Variants in COL9A1 observed in about 807,000 individuals in gnomAD.
COL9A1 encodes the protein collagen alpha-1(IX) chain.
In COL9A1, 104 loss-of-function variants were observed where a neutral mutation model predicts 142.6. The observed-to-expected ratio is 0.73, with a 90% CI of 0.62 to 0.86. The LOEUF is 0.86. Among genes scored for constraint, COL9A1 ranks in the 40% least tolerant of loss-of-function variants. COL9A1 has a pLI of 0.00. For missense variants in COL9A1, 1,210 were observed against 1,176.6 expected (o/e 1.03, Z -0.42); for synonymous variants, 466 against 396.0 (o/e 1.18, Z -2.10).
chr6:70,290,110 T>C (rs1773601858), intron 5 of COL9A1, among the ~76,000 whole-genome samples: 1 of 152,150 alleles, frequency 6.6e-6, no homozygotes, highest in Non-Finnish European at 1.5e-5. Flanking sequence ...GAAGGATGGT[T>C]TGAATCATAT....
chr6:70,285,038 G>A (rs144946845), intron 5 of COL9A1, among the ~76,000 whole-genome samples: 1,548 of 152,322 alleles, frequency 0.01, 10 homozygotes, highest in Non-Finnish European at 0.017. Flanking sequence ...TTAACAAAAG[G>A]AAGTTTTGGC....
intron 5 of COL9A1, among the ~76,000 whole-genome samples, chr6:70,291,393 G>C (rs941788329): frequency 1.3e-5 from 2 of 151,962 alleles, no homozygotes; most frequent in Non-Finnish European, 2.9e-5. Context: ...AACATCCCTG[G>C]CCCCCACTCT....
intron 28 of COL9A1, among the ~76,000 whole-genome samples, chr6:70,248,723 G>A (rs566820934): frequency 2.6e-5 from 4 of 152,222 alleles, no homozygotes; most frequent in South Asian, 2.1e-4. Context: ...TTACGCCTCC[G>A]ATTCAATTCG....
intron 37 of COL9A1, among the ~76,000 whole-genome samples, chr6:70,223,510 A>G (rs1562285503): frequency 1.3e-5 from 2 of 152,210 alleles, no homozygotes; most frequent in African/African-American, 4.8e-5. Flanking sequence ...CACTCTTCAA[A>G]CAGCCCACTT....
chr6:70,256,774 A>C lies in COL9A1; in HGVS notation c.1497T>G (p.Gly499=). 1.4e-5 allele frequency: 22 copies of C among 1,613,662 alleles called. No individual in the cohort carries two copies. Among genetic ancestry groups the C allele is most frequent in the Non-Finnish European group, 1.9e-5 (22 of 1,179,914 alleles). Residue 499 remains glycine (G), a synonymous_variant, in exon 21 of 38, where the codon GGT becomes GGG. Coordinates refer to ENST00000357250, the MANE Select transcript of COL9A1 (RefSeq NM_001851.6). ...DGEPGPQGLP[G]APGDQGQRGP... The stretch of plus-strand genomic sequence containing the variant: ...TGGAAGGAAAATCACTTACAGGTGC[A>C]CCAGGAAGACCCTGAGGCCCAGGTT...
At chr6:70,274,211 T>C (rs1772597288) in intron 11 of COL9A1, 129 bp from the exon 12 acceptor site, 1 of 611,292 alleles carries the variant, frequency 1.6e-6, no homozygotes, top group Non-Finnish European at 2.7e-6. Flanking sequence ...TTTCCAACTT[T>C]TATTTTAAGT....
intron 37 of COL9A1, among the ~76,000 whole-genome samples, chr6:70,225,267 AG>A (rs748550030): frequency 3.9e-5 from 6 of 152,106 alleles, no homozygotes; most frequent in African/African-American, 7.2e-5. Flanking sequence ...TCATTTCCTA[AG>A]GGATAAGTGT....
chr6:70,276,737 A>C (rs575194756), intron 10 of COL9A1, among the ~76,000 whole-genome samples: 11 of 152,302 alleles, frequency 7.2e-5, no homozygotes, highest in Admixed American at 5.2e-4. Flanking sequence ...TACTGCCTAC[A>C]ATAAGTTTAA....
At chr6:70,283,097 G>T in intron 6 of COL9A1, 179 bp from the exon 7 acceptor site, 1 of 1,537,162 alleles carries the variant, frequency 6.5e-7, no homozygotes, top group Non-Finnish European at 8.7e-7. Context: ...CTGCAGCCTG[G>T]TTCCCCTCTA....
intron 9 of COL9A1, 30 bp downstream of exon 9, chr6:70,280,974 G>C: frequency 6.2e-7 from 1 of 1,613,272 alleles, no homozygotes; most frequent in South Asian, 1.1e-5. Context: ...AAGGAAGGAA[G>C]TGGAGCGCCA....
chr6:70,239,575 T>A (rs1263961693), intron 32 of COL9A1, among the ~76,000 whole-genome samples: 1 of 152,180 alleles, frequency 6.6e-6, no homozygotes, highest in East Asian at 1.9e-4. Flanking sequence ...AAATGCTAGG[T>A]GTCAAGAATT....
chr6:70,233,400 T>C (rs866957498), intron 35 of COL9A1, among the ~76,000 whole-genome samples: 1 of 152,216 alleles, frequency 6.6e-6, no homozygotes, highest in African/African-American at 2.4e-5. Context: ...AGAGTTAGTC[T>C]TAAAAATTAA....
Position 70,252,105 on chromosome 6 carries a change from G to A in COL9A1, c.1872+15C>T, listed in dbSNP as rs2127574422. 6.2e-7 allele frequency: 1 copy of A among 1,613,494 alleles called. No homozygotes were observed. Among genetic ancestry groups the A allele is most frequent in the Non-Finnish European group, 8.5e-7 (1 of 1,179,466 alleles). ...TGAGAAGGTGCTTTAGGAAAGAACA[G>A]CAAGGAATACTCACAGGAAGCCCCT... is the stretch of plus-strand genomic sequence containing the variant. On this transcript the variant is annotated intron_variant, in intron 28 of 37. Transcript: ENST00000357250.
rs773873745 is a variant in COL9A1, at chr6:70,282,885, GC to G, written c.801+12del. On this transcript the variant is annotated intron_variant, in intron 7 of 37. Transcript: ENST00000357250. ...CGCTTGAAAAATGCAAACACTCCCT[GC>G]CCCCAACTTACCTCGTCGGTGGTCT... 1.9e-6 allele frequency: 3 copies of G among 1,614,164 alleles called. No homozygotes were observed. The South Asian group carries it at 3.3e-5, about 18-fold the overall frequency.
chr6:70,239,838 C>T (rs1359981473), intron 32 of COL9A1, among the ~76,000 whole-genome samples: 1 of 152,140 alleles, frequency 6.6e-6, no homozygotes, highest in African/African-American at 2.4e-5. Context: ...TGATTTAAAA[C>T]ATCACGTTAC....
chr6:70,269,529 C>T (rs1317113017), intron 16 of COL9A1, 104 bp downstream of exon 16: 4 of 835,804 alleles, frequency 4.8e-6, no homozygotes, highest in Non-Finnish European at 8.2e-6. Context: ...AAGGAAAACA[C>T]AGACACATAG....
At position 70,283,732 on chromosome 6, in the gene COL9A1, C is replaced by A; in HGVS notation, c.780+5G>T. On this transcript the variant is annotated splice_donor_5th_base_variant and intron_variant, in intron 6 of 37. Transcript: ENST00000357250. ...GTGGCCTTTGCAGGTAGTCAGGGGA[C>A]TCACCGTTATTCTGGCTGGCAGCTC... is the stretch of plus-strand genomic sequence containing the variant. The A allele has an allele frequency of 1.2e-6, 2 of 1,608,914 alleles. No individual in the cohort carries two copies. Among genetic ancestry groups the A allele is most frequent in the Non-Finnish European group, 1.7e-6 (2 of 1,177,380 alleles).
At chr6:70,302,875 A>G (rs757665395) in intron 1 of COL9A1, 36 bp downstream of exon 1, 13 of 1,612,224 alleles carry the variant, frequency 8.1e-6, no homozygotes, top group Middle Eastern at 1.6e-4. Context: ...CCCCAGCTCC[A>G]TCTCCCCACC....
chr6:70,246,895 G>A (rs145859854), intron 28 of COL9A1, among the ~76,000 whole-genome samples: 3 of 152,210 alleles, frequency 2.0e-5, no homozygotes, highest in East Asian at 1.9e-4. Flanking sequence ...TAACCTCTCC[G>A]TGCCTGTTTC....
Sources: allele counts gnomAD v4.1 joint callset (sites outside exome capture counted in the v4.1 genomes callset), GRCh38; gene constraint gnomAD v4.1.1; transcripts MANE v1.5; gene names NCBI Gene and HGNC (gene_info 2026-07-23, HGNC 2026-07-21).